ALK: variants seen among roughly 807,000 people sequenced by gnomAD.
ALK encodes ALK receptor tyrosine kinase.
A neutral mutation model predicts 163.1 loss-of-function variants in ALK; 74 were observed. The ratio of observed to expected loss-of-function variants is 0.45; its 90% confidence interval spans 0.38 to 0.55. The LOEUF is 0.55. Among genes scored for constraint, ALK ranks in the 20% least tolerant of loss-of-function variants. The pLI is 0.00. For synonymous variants in ALK, 960 were observed against 843.2 expected, an observed-to-expected ratio of 1.14 and a Z score of -2.40; for missense variants, 2,063 against 2,105.3, an observed-to-expected ratio of 0.98 and a Z score of 0.39.
chr2:29,685,237 GCTTCATAGAAA>G (rs1678201213), intron 3 of ALK, among the ~76,000 whole-genome samples: 1 of 152,126 alleles, frequency 6.6e-6, no homozygotes, highest in Non-Finnish European at 1.5e-5. Flanking sequence ...CTAGACAGGA[GCTTCATAGAAA>G]CCGAGCCCTT....
At chr2:29,508,258 C>G (rs527282323) in intron 4 of ALK, among the ~76,000 whole-genome samples, 3 of 152,282 alleles carry the variant, frequency 2.0e-5, no homozygotes, top group African/African-American at 7.2e-5. Context: ...AACGCATTTC[C>G]TTTCTGACTC....
At chr2:29,216,052 C>T (rs1327487297) in intron 23 of ALK, among the ~76,000 whole-genome samples, 1 of 152,176 alleles carries the variant, frequency 6.6e-6, no homozygotes, top group Non-Finnish European at 1.5e-5. Flanking sequence ...TCGTTAGGGG[C>T]AGAGGGGGTA....
intron 13 of ALK, among the ~76,000 whole-genome samples, chr2:29,234,174 G>A (rs140528418): frequency 4.5e-4 from 69 of 152,220 alleles, no homozygotes; most frequent in African/African-American, 6.7e-4. Context: ...GACCTGTTTC[G>A]ATCCTGTGGG....
chr2:29,626,619 G>C (rs1676202370), intron 3 of ALK, among the ~76,000 whole-genome samples: 3 of 152,126 alleles, frequency 2.0e-5, no homozygotes, highest in Non-Finnish European at 2.9e-5. Context: ...CCTGTAATAA[G>C]AGGAAGTGAT....
At chr2:29,606,683 T>C (rs1027954559) in intron 3 of ALK, among the ~76,000 whole-genome samples, 1 of 152,240 alleles carries the variant, frequency 6.6e-6, no homozygotes. Context: ...AACAAAGCCA[T>C]GCCCATCTGT....
At chr2:29,416,427 T>C (rs987291139) in intron 4 of ALK, among the ~76,000 whole-genome samples, 1 of 152,242 alleles carries the variant, frequency 6.6e-6, no homozygotes, top group East Asian at 1.9e-4. Context: ...AGTCCCCTTC[T>C]TGTTTCTAGA....
intron 4 of ALK, among the ~76,000 whole-genome samples, chr2:29,466,776 A>T (rs938035883): frequency 2.0e-5 from 3 of 152,258 alleles, no homozygotes; most frequent in African/African-American, 7.2e-5. Context: ...GGCTGACTAA[A>T]ACTAATAAAA....
chr2:29,641,776 C>A (rs1676709319), intron 3 of ALK, among the ~76,000 whole-genome samples: 1 of 152,060 alleles, frequency 6.6e-6, no homozygotes, highest in Admixed American at 6.6e-5. Context: ...TAAAGGGGAA[C>A]CTTCACTTAG....
chr2:29,462,430 A>G (rs542880234), intron 4 of ALK, among the ~76,000 whole-genome samples: 93 of 152,268 alleles, frequency 6.1e-4, no homozygotes, highest in African/African-American at 1.7e-3. Flanking sequence ...TGCCACAGCC[A>G]TCCCACCCTT....
At position 29,735,507 on chromosome 2, in the gene ALK, C is replaced by T. The variant is rs188312522; in HGVS notation, c.668-17810G>A. 5.9e-5 allele frequency among the ~76,000 whole-genome samples: 9 copies of T among 151,960 alleles called. No homozygotes were observed. The East Asian group carries it at 1.7e-3, about 29-fold the overall frequency. On this transcript the variant is annotated intron_variant, in intron 1 of 28. Transcript: ENST00000389048. ...GTAATAATAATTGTTATTGCATACT[C>T]ATTATGTACCAGGTGCTAGTTTAAG...
chr2:29,396,807 T>C (rs1669317114), intron 4 of ALK, among the ~76,000 whole-genome samples: 1 of 142,438 alleles, frequency 7.0e-6, no homozygotes, highest in African/African-American at 2.6e-5. Context: ...CATGATGTTC[T>C]CTGTACCCAG....
chr2:29,272,012 T>A (rs1346382696), intron 11 of ALK, among the ~76,000 whole-genome samples: 1 of 151,970 alleles, frequency 6.6e-6, no homozygotes, highest in East Asian at 1.9e-4. Context: ...TGAGGAAGGG[T>A]CCTTGGGCCC....
chr2:29,227,783 G>T lies in ALK; in HGVS notation c.2816-111C>A, dbSNP rs1664053380. 4 of 804,534 alleles carry T rather than the reference G, an allele frequency of 5.0e-6. No homozygotes were observed. The Admixed American group carries it at 7.7e-5, about 15-fold the overall frequency. 49.8% of individuals were successfully genotyped at this position (804,534 alleles called of 1,614,324 possible). A position where few individuals can be genotyped will look rare whatever the true frequency, so the allele number is the denominator to read the frequency against. ...CTGGCCAAAGTTAGGGGGTCACTGG[G>T]GACCTCAGGGGCAGGGATGCGGGGA... On this transcript the variant is annotated intron_variant, in intron 16 of 28. Coordinates refer to ENST00000389048, the MANE Select transcript of ALK (RefSeq NM_004304.5). The surrounding 1 kb of genome is among the most constrained non-coding windows in gnomAD (Gnocchi z 4.4).
intron 4 of ALK, among the ~76,000 whole-genome samples, chr2:29,476,341 G>C (rs986673900): frequency 2.0e-5 from 3 of 152,246 alleles, no homozygotes; most frequent in African/African-American, 4.8e-5. Context: ...CAGTACAGTA[G>C]GGACATAAAA....
intron 3 of ALK, among the ~76,000 whole-genome samples, chr2:29,558,483 G>A (rs1380775148): frequency 6.6e-6 from 1 of 152,048 alleles, no homozygotes; most frequent in Non-Finnish European, 1.5e-5. Context: ...CAACCCACAA[G>A]ACTGGTCACT....
intron 5 of ALK, among the ~76,000 whole-genome samples, chr2:29,332,258 C>T (rs771348380): frequency 1.7e-5 from 2 of 119,428 alleles, no homozygotes; most frequent in African/African-American, 3.2e-5. Context: ...TGTACTCCAG[C>T]CTAGGAGACA....
intron 5 of ALK, among the ~76,000 whole-genome samples, chr2:29,347,766 T>G (rs1003029455): frequency 6.6e-6 from 1 of 152,158 alleles, no homozygotes; most frequent in African/African-American, 2.4e-5. Flanking sequence ...GCTCTTTCCA[T>G]CTGAAGAAAG....
intron 1 of ALK, among the ~76,000 whole-genome samples, chr2:29,768,257 T>C (rs1412001445): frequency 1.3e-5 from 2 of 152,226 alleles, no homozygotes; most frequent in Non-Finnish European, 2.9e-5. Flanking sequence ...CCACATCTTC[T>C]ATCTGAGCCA....
chr2:29,882,106 A>G lies in ALK; in HGVS notation c.667+37887T>C, dbSNP rs1236842353. Reference sequence around the variant, plus strand: ...GTCTGAGGTTGCCTCAATAAACTTAATCATTTCTAAGCTGGCCATGAAAAG... The same window carrying G: ...GTCTGAGGTTGCCTCAATAAACTTAGTCATTTCTAAGCTGGCCATGAAAAG... On this transcript the variant is annotated intron_variant, in intron 1 of 28. Coordinates refer to ENST00000389048, the MANE Select transcript of ALK (RefSeq NM_004304.5). 2.0e-5 allele frequency among the ~76,000 whole-genome samples: 3 copies of G among 152,144 alleles called. No homozygotes were observed. The East Asian group carries it at 5.8e-4, about 29-fold the overall frequency.
Sources: gnomAD v4.1 joint callset for allele counts (sites outside exome capture counted in the v4.1 genomes callset) on GRCh38, gnomAD v4.1.1 for gene constraint, Gnocchi (gnomAD v3.1) non-coding constraint, MANE v1.5 for transcripts, NCBI Gene and HGNC (gene_info 2026-07-23, HGNC 2026-07-21) for gene names.